The following STOML3 variants were observed in gnomAD, a reference collection of about 807,000 sequenced individuals.
STOML3 encodes stomatin like 3, also known as stomatin-like protein 3.
In STOML3, 31 loss-of-function variants were observed where a neutral mutation model predicts 29.5. The observed-to-expected ratio is 1.05, with a 90% confidence interval of 0.79 to 1.42. The LOEUF (loss-of-function observed/expected upper bound fraction) is 1.42, where lower values mean the gene tolerates loss of function less well. STOML3 is among the 40% of genes most tolerant of loss of function. The probability of loss-of-function intolerance (pLI) is 0.00; values close to 1 mark genes in which losing one functional copy is unlikely to be tolerated. For missense variants in STOML3, 380 were observed against 363.0 expected, an observed-to-expected ratio of 1.05 and a Z score of -0.38; for synonymous variants, 122 against 139.8, an observed-to-expected ratio of 0.87 and a Z score of 0.90.
intron 1 of STOML3, 26 bp from the exon 2 acceptor site, chr13:38,976,823 T>C (rs772819298): frequency 1.9e-6 from 3 of 1,587,376 alleles, no homozygotes; most frequent in Admixed American, 3.4e-5. Flanking sequence ...GAAGCAAATA[T>C]GTGATCAATG....
chr13:38,966,179 C>T lies in STOML3; in HGVS notation c.*646G>A, dbSNP rs1880636195. The T allele has an allele frequency of 6.6e-6, 1 of 152,186 alleles. No individual in the cohort carries two copies. Among genetic ancestry groups the T allele is most frequent in the Non-Finnish European group, 1.5e-5 (1 of 68,076 alleles). 9.4% of individuals were successfully genotyped at this position (152,186 alleles called of 1,614,324 possible). On this transcript the variant is annotated 3_prime_UTR_variant, in exon 7 of 7. Transcript: ENST00000379631. ...CTGGCCACTTTCATGTGCCTTTTCC[C>T]ACCCTCTGATAATGGTGCTGGAAGG...
At chr13:38,970,162 C>T (rs1880807295) in intron 5 of STOML3, 23 bp downstream of exon 5, 1 of 1,595,750 alleles carries the variant, frequency 6.3e-7, no homozygotes, top group East Asian at 2.2e-5. Context: ...AAGATACAGG[C>T]TATTAGTTCA....
In STOML3 at chr13:38,987,728, A is replaced by G. The variant is rs1451756860; in HGVS notation, c.52+2942T>C. ...TATATTATATATATTAATTCATATA[A>G]CTAAATATATATAAAATATATAGTA... On this transcript the variant is annotated intron_variant, in intron 1 of 6. Coordinates refer to ENST00000379631, the MANE Select transcript of STOML3 (RefSeq NM_145286.3). Among the ~76,000 whole-genome samples the G allele has an allele frequency of 2.3e-5, 3 of 128,808 alleles. No individual in the cohort carries two copies. The Admixed American group carries it at 2.9e-4, about 12-fold the overall frequency. 84.5% of individuals were successfully genotyped at this position (128,808 alleles called of 152,430 possible). A position where few individuals can be genotyped will look rare whatever the true frequency, so the allele number is the denominator to read the frequency against.
chr13:38,983,196 T>C (rs1215223674), intron 1 of STOML3, among the ~76,000 whole-genome samples: 1 of 152,164 alleles, frequency 6.6e-6, no homozygotes, highest in Admixed American at 6.5e-5. Context: ...CATAAAGATA[T>C]ACAAAATACA....
At chr13:38,975,178 G>A (rs3922615) in intron 3 of STOML3, among the ~76,000 whole-genome samples, 20,095 of 151,668 alleles carry the variant, frequency 0.13, 1,577 homozygotes, top group East Asian at 0.3. Flanking sequence ...AAAATTAGCC[G>A]CTTATGATAG....
intron 1 of STOML3, among the ~76,000 whole-genome samples, chr13:38,987,789 T>TATATATTATATTTTATATATA (rs1371532602): frequency 6.2e-5 from 7 of 112,610 alleles, no homozygotes; most frequent in East Asian, 2.4e-4. Context: ...GTGTATATAT[T>TATATATTATATTTTATATATA]ATATATTATA....
chr13:38,971,371 A>G (rs1880860202), intron 4 of STOML3, among the ~76,000 whole-genome samples: 1 of 152,154 alleles, frequency 6.6e-6, no homozygotes, highest in African/African-American at 2.4e-5. Flanking sequence ...GCAGTTCCTA[A>G]GTGACATGAA....
In STOML3 at chr13:38,966,872, C is replaced by T. The variant is rs1251937299; in HGVS notation, c.829G>A (p.Gly277Ser). 1 of 1,613,690 alleles carries T rather than the reference C, an allele frequency of 6.2e-7. No individual in the cohort carries two copies. The highest frequency in any genetic ancestry group is 1.3e-5 in the African/African-American group (1 of 74,832). ...PLPMNILEGI[G>S]GVSYDNHKKL... ...TTGTGGTTATCATAGCTGACGCCAC[C>T]AATGCCCTCTAGTATATTCATGGGC... The change falls in exon 7 of 7, where the codon GGT (glycine) becomes AGT (serine). Residue 277 changes from glycine (G) to serine (S), a missense_variant. Transcript: ENST00000379631.
At chr13:38,987,789 T>A (rs1332761962) in intron 1 of STOML3, among the ~76,000 whole-genome samples, 13 of 112,590 alleles carry the variant, frequency 1.2e-4, no homozygotes, top group African/African-American at 2.5e-4. Flanking sequence ...GTGTATATAT[T>A]ATATATTATA....
intron 1 of STOML3, among the ~76,000 whole-genome samples, chr13:38,983,242 G>C (rs1881327464): frequency 6.6e-6 from 1 of 152,058 alleles, no homozygotes; most frequent in South Asian, 2.1e-4. Context: ...AGGGATTCCA[G>C]TACTCTTCCA....
chr13:38,987,802 T>A (rs1473554224), intron 1 of STOML3, among the ~76,000 whole-genome samples: 2 of 108,174 alleles, frequency 1.8e-5, no homozygotes, highest in Non-Finnish European at 3.4e-5. Flanking sequence ...ATATTATATT[T>A]TATATATAAT....
chr13:38,990,490 C>T (rs373404663), intron 1 of STOML3, among the ~76,000 whole-genome samples, 180 bp downstream of exon 1: 3 of 151,712 alleles, frequency 2.0e-5, no homozygotes, highest in East Asian at 1.9e-4. Flanking sequence ...TATAGACTGC[C>T]GTTCAAGAAG....
chr13:38,967,060 A>C lies in STOML3; in HGVS notation c.652-11T>G. ...TTCAGCTGCAAGGACCTGAAATGAC[A>C]GAAATAAAATCGTTCAGAAATAAAA... On this transcript the variant is annotated splice_polypyrimidine_tract_variant and intron_variant, in intron 6 of 6. Transcript: ENST00000379631. 6.2e-7 allele frequency: 1 copy of C among 1,610,796 alleles called. No homozygotes were observed. The highest frequency in any genetic ancestry group is 2.2e-5 in the East Asian group (1 of 44,802).
intron 1 of STOML3, among the ~76,000 whole-genome samples, chr13:38,985,937 T>G (rs1868511527): frequency 7.2e-6 from 1 of 138,836 alleles, no homozygotes; most frequent in Non-Finnish European, 1.5e-5. Context: ...TTTTTTTGTT[T>G]GAGAGAGAGT....
intron 3 of STOML3, 113 bp from the exon 4 acceptor site, chr13:38,972,707 C>A (rs1880922941): frequency 1.2e-6 from 1 of 858,144 alleles, no homozygotes; most frequent in Non-Finnish European, 1.9e-6. Flanking sequence ...CTCAGATGAT[C>A]CTCAATATGC....
chr13:38,988,327 T>A (rs920092134), intron 1 of STOML3, among the ~76,000 whole-genome samples: 1 of 75,838 alleles, frequency 1.3e-5, no homozygotes, highest in Non-Finnish European at 2.1e-5. Flanking sequence ...ATATTATATT[T>A]TATATATAAT....
chr13:38,973,094 A>C (rs1184399954), intron 3 of STOML3, among the ~76,000 whole-genome samples: 1 of 87,582 alleles, frequency 1.1e-5, no homozygotes, highest in African/African-American at 4.7e-5. Flanking sequence ...CCCCGTCTCT[A>C]CTAAAAAAAA....
In STOML3 at chr13:38,988,474, A is replaced by ATATAT. The variant is rs1241507953; in HGVS notation, c.52+2191_52+2195dup. On this transcript the variant is annotated intron_variant, in intron 1 of 6. Coordinates refer to ENST00000379631, the MANE Select transcript of STOML3 (RefSeq NM_145286.3). ...TTTTATATCATATATTTTATATATA[A>ATATAT]TATATTTTATATCATATATTTTATA... Among the ~76,000 whole-genome samples the ATATAT allele has an allele frequency of 1.5e-3, 74 of 49,498 alleles. 2 individuals carry two copies. Among genetic ancestry groups the ATATAT allele is most frequent in the Admixed American group, 1.8e-3 (8 of 4,450 alleles). The allele number at this position is 49,498 out of a possible 152,430, so 32.5% of individuals were successfully genotyped here. A position where few individuals can be genotyped will look rare whatever the true frequency, so the allele number is the denominator to read the frequency against.
chr13:38,986,035 G>GTTT (rs371208112), intron 1 of STOML3, among the ~76,000 whole-genome samples: 34 of 70,668 alleles, frequency 4.8e-4, no homozygotes, highest in African/African-American at 1.3e-3. Context: ...TATTTACCTG[G>GTTT]TTTTTTTTTT....
Sources: allele counts gnomAD v4.1 joint callset (sites outside exome capture counted in the v4.1 genomes callset), GRCh38; gene constraint gnomAD v4.1.1; transcripts MANE v1.5; gene names NCBI Gene and HGNC (gene_info 2026-07-23, HGNC 2026-07-21).